GATA2: variants seen among roughly 807,000 people sequenced by gnomAD.
GATA2 encodes endothelial transcription factor GATA-2.
A neutral mutation model predicts 35.7 loss-of-function variants in GATA2; 6 were observed. That is an observed-to-expected ratio of 0.17 (90% confidence interval 0.09 to 0.33). The LOEUF (loss-of-function observed/expected upper bound fraction) is 0.33, where lower values mean the gene tolerates loss of function less well. Ranked by LOEUF, GATA2 falls within the 10% of genes least tolerant of loss-of-function variation. The probability of loss-of-function intolerance (pLI) is 1.00; values close to 1 mark genes in which losing one functional copy is unlikely to be tolerated. For missense variants in GATA2, 541 were observed against 656.6 expected, an observed-to-expected ratio of 0.82 and a Z score of 1.92; for synonymous variants, 313 against 274.9, an observed-to-expected ratio of 1.14 and a Z score of -1.37.
intron 5 of GATA2, 152 bp from the exon 6 acceptor site, chr3:128,481,470 C>A: frequency 2.2e-6 from 2 of 906,666 alleles, no homozygotes; most frequent in South Asian, 2.8e-5. Flanking sequence ...CACCAGATGG[C>A]TACCATTCCA....
chr3:128,484,313 T>C (rs2068667731), intron 3 of GATA2, among the ~76,000 whole-genome samples: 1 of 152,154 alleles, frequency 6.6e-6, no homozygotes, highest in Admixed American at 6.5e-5. Flanking sequence ...CAGGAGGGTA[T>C]TTACTGCAAA....
chr3:128,489,568 C>T lies in GATA2; in HGVS notation c.-45-2492G>A, dbSNP rs1194171288. The T allele has an allele frequency of 3.3e-5, 5 of 152,162 alleles. No homozygotes were observed. The East Asian group carries it at 9.7e-4, about 30-fold the overall frequency. The allele number at this position is 152,162 out of a possible 1,614,324, so 9.4% of individuals were successfully genotyped here. ...GGAGCCCGGTCTGCTCGGAACTCCA[C>T]TCTGCGGGAGCGGAGGCCGGCGCCA... On this transcript the variant is annotated intron_variant, in intron 1 of 5. Coordinates refer to ENST00000341105, the MANE Select transcript of GATA2 (RefSeq NM_032638.5).
intron 3 of GATA2, among the ~76,000 whole-genome samples, chr3:128,484,328 G>A (rs1048167206): frequency 4.6e-5 from 7 of 152,258 alleles, no homozygotes; most frequent in African/African-American, 1.4e-4. Flanking sequence ...TGCAAACTTT[G>A]CCGAGGGTAG....
intron 1 of GATA2, among the ~76,000 whole-genome samples, 172 bp from the exon 2 acceptor site, chr3:128,487,248 G>A (rs2068715782): frequency 6.6e-6 from 1 of 152,204 alleles, no homozygotes; most frequent in Non-Finnish European, 1.5e-5. Context: ...GCGGGGGAGG[G>A]GGTTCAGCCA....
rs2068708141 is a variant in GATA2 at position 128,486,862 on chromosome 3, T to G, written c.170A>C (p.Asn57Thr). The change falls in exon 2 of 6, where the codon AAC (asparagine) becomes ACC (threonine). Residue 57 changes from asparagine to threonine, a missense_variant. Asn to Thr is a moderately conservative substitution (Grantham distance 65, BLOSUM62 0). Coordinates refer to ENST00000341105, the MANE Select transcript of GATA2 (RefSeq NM_032638.5). ...GTGAGCGGGGTTGGCATAGTAGGGG[T>G]TGCCCTGCGAGTCGAGGTGATTGAA... ...VFFNHLDSQG[N>T]PYYANPAHAR... The G allele has an allele frequency of 1.2e-6, 2 of 1,612,366 alleles. No homozygotes were observed. The highest frequency in any genetic ancestry group is 1.7e-6 in the Non-Finnish European group (2 of 1,179,528).
Position 128,486,175 on chromosome 3 carries a change from G to A in GATA2, c.423C>T (p.Tyr141=), listed in dbSNP as rs781744898. The A allele has an allele frequency of 5.7e-6, 9 of 1,566,768 alleles. No individual in the cohort carries two copies. In the East Asian group the frequency reaches 2.1e-4, roughly 37 times the overall value. ...AGGPGGPLSV[Y]PGAGGGSGGG... is the part of the protein sequence containing the mutation. ...CCCCGCTCCCACCCCCAGCCCCTGG[G>A]TACACAGAGAGTGGGCCTCCAGGGC... The change falls in exon 3 of 6, where the codon TAC becomes TAT. Residue 141 remains tyrosine, a synonymous_variant. Transcript: ENST00000341105.
intron 1 of GATA2, 41 bp downstream of exon 1, chr3:128,492,858 A>C (rs992338772): frequency 4.8e-4 from 73 of 152,886 alleles, no homozygotes; most frequent in Admixed American, 1.8e-3. Flanking sequence ...CGGGGGCGGG[A>C]AGGGCCGGGC....
intron 1 of GATA2, among the ~76,000 whole-genome samples, chr3:128,491,325 A>G (rs1177052287): frequency 6.6e-6 from 1 of 151,810 alleles, no homozygotes; most frequent in Non-Finnish European, 1.5e-5. Context: ...CCTTATGGGC[A>G]GCTAATTGGC....
At chr3:128,484,087 GC>G in intron 3 of GATA2, 82 bp from the exon 4 acceptor site, 1 of 1,538,456 alleles carries the variant, frequency 6.5e-7, no homozygotes, top group Non-Finnish European at 8.8e-7. Flanking sequence ...AAAGCAGCCA[GC>G]CGAGCAGTGC....
chr3:128,491,460 G>A (rs778208098), intron 1 of GATA2, among the ~76,000 whole-genome samples: 1 of 152,168 alleles, frequency 6.6e-6, no homozygotes, highest in Non-Finnish European at 1.5e-5. Flanking sequence ...AACCTTGAGG[G>A]GTACGGGGAG....
At position 128,481,139 on chromosome 3, in the gene GATA2, G is replaced by T; in HGVS notation, c.1323C>A (p.Gly441=). The T allele has an allele frequency of 1.9e-6, 3 of 1,614,226 alleles. No homozygotes were observed. The highest frequency in any genetic ancestry group is 2.5e-6 in the Non-Finnish European group (3 of 1,180,032). Residue 441 remains glycine, a synonymous_variant, in exon 6 of 6, where the codon GGC becomes GGA. Coordinates refer to ENST00000341105, the MANE Select transcript of GATA2 (RefSeq NM_032638.5). ...AALAGHMAPV[G]HLPPFSHSGH... is the part of the protein sequence containing the mutation. ...CGGAGTGGCTGAAGGGCGGGAGGTG[G>T]CCCACAGGTGCCATGTGTCCAGCCA...
At chr3:128,491,169 G>T (rs2068762519) in intron 1 of GATA2, among the ~76,000 whole-genome samples, 1 of 150,974 alleles carries the variant, frequency 6.6e-6, no homozygotes, top group South Asian at 2.1e-4. Context: ...CGGGTGCCAG[G>T]TGGGGACACA....
At chr3:128,489,247 G>C (rs968117721) in intron 1 of GATA2, 1 of 152,192 alleles carries the variant, frequency 6.6e-6, no homozygotes, top group Non-Finnish European at 1.5e-5. Flanking sequence ...GAAAGCCCTC[G>C]GTCCCCTCGG....
At chr3:128,492,322 A>T (rs548404024) in intron 1 of GATA2, 1 of 152,202 alleles carries the variant, frequency 6.6e-6, no homozygotes, top group Non-Finnish European at 1.5e-5. Flanking sequence ...CGGCGGCCCC[A>T]TTCTTATTGA....
intron 3 of GATA2, among the ~76,000 whole-genome samples, chr3:128,485,287 G>C (rs774304274): frequency 6.6e-6 from 1 of 152,108 alleles, no homozygotes; most frequent in Admixed American, 6.6e-5. Flanking sequence ...TGGAACCTCC[G>C]GAGTGCCTGA....
chr3:128,486,455 C>G (rs2068701553), intron 2 of GATA2, 87 bp from the exon 3 acceptor site: 8 of 1,492,558 alleles, frequency 5.4e-6, no homozygotes, highest in Non-Finnish European at 6.3e-6. Flanking sequence ...ATTGAGATCA[C>G]GACTCCCAGA....
chr3:128,485,240 G>A, intron 3 of GATA2, among the ~76,000 whole-genome samples: 1 of 152,186 alleles, frequency 6.6e-6, no homozygotes, highest in East Asian at 1.9e-4. Flanking sequence ...CCCAAGATCA[G>A]ACTGATTGAG....
chr3:128,482,963 C>G (rs2068649605), intron 4 of GATA2, among the ~76,000 whole-genome samples: 1 of 152,196 alleles, frequency 6.6e-6, no homozygotes, highest in Non-Finnish European at 1.5e-5. Context: ...CAAGCCTGGT[C>G]ACAGAAGGGA....
At position 128,486,789 on chromosome 3, in the gene GATA2, G is replaced by A; in HGVS notation, c.229+14C>T. 2.5e-6 allele frequency: 4 copies of A among 1,588,002 alleles called. No individual in the cohort carries two copies. The highest frequency in any genetic ancestry group is 3.4e-6 in the Non-Finnish European group (4 of 1,168,024). On this transcript the variant is annotated intron_variant, in intron 2 of 5. Coordinates refer to ENST00000341105, the MANE Select transcript of GATA2 (RefSeq NM_032638.5). ...CGGCGCCTGGGTTCTCATCACCACG[G>A]GCCCAGTGCTCACCGTGCGCGGGGC... is the stretch of plus-strand genomic sequence containing the variant.
Sources: allele counts gnomAD v4.1 joint callset (sites outside exome capture counted in the v4.1 genomes callset), GRCh38; gene constraint gnomAD v4.1.1; transcripts MANE v1.5; gene names NCBI Gene and HGNC (gene_info 2026-07-23, HGNC 2026-07-21).